Variants in JAK2 observed in about 807,000 individuals in gnomAD.
JAK2 encodes tyrosine-protein kinase JAK2.
Under a neutral mutation model 139.3 loss-of-function variants are expected in JAK2, and 86 were observed. The ratio of observed to expected loss-of-function variants is 0.62; its 90% confidence interval spans 0.52 to 0.74. JAK2 has a LOEUF of 0.74. JAK2 is among the 30% of genes least tolerant of loss of function. JAK2 has a pLI of 0.00. For synonymous variants in JAK2, 490 were observed against 437.7 expected, an observed-to-expected ratio of 1.12 and a Z score of -1.49; for missense variants, 1,421 against 1,360.3, an observed-to-expected ratio of 1.04 and a Z score of -0.70.
intron 4 of JAK2, among the ~76,000 whole-genome samples, chr9:5,036,240 T>A (rs1823590723): frequency 6.6e-6 from 1 of 152,178 alleles, no homozygotes; most frequent in Non-Finnish European, 1.5e-5. Context: ...TACAAACAAA[T>A]GGAAGAACAT....
At chr9:5,097,775 A>G (rs1309059180) in intron 22 of JAK2, 9 of 152,190 alleles carry the variant, frequency 5.9e-5, no homozygotes, top group Non-Finnish European at 8.8e-5. Flanking sequence ...GATACATACT[A>G]TGTTGTAGCT....
intron 22 of JAK2, among the ~76,000 whole-genome samples, chr9:5,118,369 G>A (rs911343266): frequency 3.3e-5 from 5 of 151,496 alleles, no homozygotes; most frequent in Admixed American, 1.3e-4. Context: ...TATTTTCTTT[G>A]TAACCAAGAT....
chr9:5,049,746 G>A (rs920192567), intron 5 of JAK2, among the ~76,000 whole-genome samples: 1 of 152,170 alleles, frequency 6.6e-6, no homozygotes, highest in Non-Finnish European at 1.5e-5. Context: ...TTATTGTTCT[G>A]TGAATATCAT....
At chr9:5,011,032 G>A (rs1821668874) in intron 2 of JAK2, among the ~76,000 whole-genome samples, 1 of 152,102 alleles carries the variant, frequency 6.6e-6, no homozygotes, top group African/African-American at 2.4e-5. Flanking sequence ...GTATGTGACT[G>A]CTTTTAAGAT....
rs191748736 is a variant in JAK2, at chr9:5,056,200, A to T, written c.1056+412A>T. Among the ~76,000 whole-genome samples the T allele has an allele frequency of 2.6e-5, 4 of 152,242 alleles. No homozygotes were observed. The East Asian group carries it at 7.7e-4, about 29-fold the overall frequency. On this transcript the variant is annotated intron_variant, in intron 8 of 24. Transcript: ENST00000381652. ...CAATGATGTCTGGAATTTATATAAC[A>T]AAATGTAAATCAATCCCAGGTCAGC...
At chr9:5,045,892 TCAATATA>T (rs1169888980) in intron 5 of JAK2, among the ~76,000 whole-genome samples, 1 of 152,212 alleles carries the variant, frequency 6.6e-6, no homozygotes, top group Non-Finnish European at 1.5e-5. Context: ...TCAGTTCTTT[TCAATATA>T]TACCCAGAAA....
intron 2 of JAK2, among the ~76,000 whole-genome samples, chr9:5,014,105 G>A (rs1443495206): frequency 6.6e-6 from 1 of 151,046 alleles, no homozygotes; most frequent in Non-Finnish European, 1.5e-5. Flanking sequence ...TTGAGGTACT[G>A]GTTTTTGAGT....
chr9:5,047,227 A>G (rs189745006), intron 5 of JAK2, among the ~76,000 whole-genome samples: 15 of 152,376 alleles, frequency 9.8e-5, no homozygotes, highest in Non-Finnish European at 1.9e-4. Flanking sequence ...GACTATATAT[A>G]GCAAATGTGA....
intron 8 of JAK2, among the ~76,000 whole-genome samples, chr9:5,063,694 A>C (rs549366571): frequency 6.6e-6 from 1 of 152,146 alleles, no homozygotes; most frequent in Non-Finnish European, 1.5e-5. Flanking sequence ...GTTGCATAAG[A>C]GTGTTTTGAA....
At chr9:5,075,070 A>G (rs1197164390) in intron 14 of JAK2, among the ~76,000 whole-genome samples, 2 of 152,018 alleles carry the variant, frequency 1.3e-5, no homozygotes, top group African/African-American at 4.8e-5. Context: ...AATCTAGAGC[A>G]AGATCTTAAT....
chr9:5,030,965 AATAG>A (rs1225112669), intron 4 of JAK2, among the ~76,000 whole-genome samples: 2 of 152,182 alleles, frequency 1.3e-5, no homozygotes, highest in Non-Finnish European at 2.9e-5. Flanking sequence ...CCAGTTATAT[AATAG>A]ATAAAGAAGA....
At chr9:5,040,934 G>T in intron 4 of JAK2, 1 of 397,918 alleles carries the variant, frequency 2.5e-6, no homozygotes, top group South Asian at 2.1e-5. Context: ...GCCTGGCCAT[G>T]GCGGAGCCAA....
rs201963673 is a variant in JAK2 at position 5,089,750 on chromosome 9, A to G, written c.2648A>G (p.Lys883Arg). 10 of 1,585,104 alleles carry G rather than the reference A, an allele frequency of 6.3e-6. No homozygotes were observed. Among genetic ancestry groups the G allele is most frequent in the Non-Finnish European group, 6.9e-6 (8 of 1,165,978 alleles). The change falls in exon 20 of 25, where the codon AAG becomes AGG. Residue 883 changes from lysine to arginine, a missense_variant. Physicochemically the swap from Lys to Arg is conservative, Grantham distance 26 (BLOSUM62 2). Transcript: ENST00000381652. ...DNTGEVVAVK[K>R]LQHSTEEHLR... ...ACTGGGGAGGTGGTCGCTGTAAAAA[A>G]GCTTCAGCATAGTACTGAAGAGCAC...
chr9:5,095,187 C>T (rs1394466552), intron 22 of JAK2, among the ~76,000 whole-genome samples: 1 of 152,038 alleles, frequency 6.6e-6, no homozygotes, highest in South Asian at 2.1e-4. Flanking sequence ...GCTATTGGGC[C>T]CATTCTCCTG....
At chr9:5,077,693 T>A in intron 15 of JAK2, 113 bp downstream of exon 15, 1 of 589,838 alleles carries the variant, frequency 1.7e-6, no homozygotes, top group South Asian at 3.4e-5. Flanking sequence ...CCAATTCATG[T>A]AAAATAGTCT....
intron 8 of JAK2, among the ~76,000 whole-genome samples, chr9:5,059,295 G>T (rs1194149511): frequency 6.6e-6 from 1 of 152,054 alleles, no homozygotes; most frequent in Non-Finnish European, 1.5e-5. Flanking sequence ...ATTAATAAAG[G>T]TTGTATAAAT....
chr9:5,062,472 CT>C (rs1818251120), intron 8 of JAK2, among the ~76,000 whole-genome samples: 1 of 118,890 alleles, frequency 8.4e-6, no homozygotes, highest in Non-Finnish European at 1.6e-5. Context: ...ACTTGCTCCA[CT>C]TAAGTTTGTC....
chr9:5,127,331 G>A lies in JAK2; in HGVS notation c.*540G>A. ...TTCAGATAATTGAATAAGTACCTTT[G>A]TGTCCTTGTTCATTTATATCGCTGG... On this transcript the variant is annotated 3_prime_UTR_variant, in exon 25 of 25. Coordinates refer to ENST00000381652, the MANE Select transcript of JAK2 (RefSeq NM_004972.4). 4.3e-6 allele frequency: 1 copy of A among 232,026 alleles called. No individual in the cohort carries two copies. Among genetic ancestry groups the A allele is most frequent in the Non-Finnish European group, 8.6e-6 (1 of 116,940 alleles). 14.4% of individuals were successfully genotyped at this position (232,026 alleles called of 1,614,324 possible).
At chr9:5,087,446 T>C (rs1472220324) in intron 19 of JAK2, among the ~76,000 whole-genome samples, 1 of 134,608 alleles carries the variant, frequency 7.4e-6, no homozygotes, top group Non-Finnish European at 1.6e-5. Context: ...AAGATGAGAT[T>C]TGGGTGAGGA....
Sources: gnomAD v4.1 joint callset for allele counts (sites outside exome capture counted in the v4.1 genomes callset) on GRCh38, gnomAD v4.1.1 for gene constraint, MANE v1.5 for transcripts, NCBI Gene and HGNC (gene_info 2026-07-23, HGNC 2026-07-21) for gene names.